Variants in UNC119B observed in about 807,000 individuals in gnomAD.
UNC119B encodes unc-119 lipid binding chaperone B.
In UNC119B, 16 loss-of-function variants were observed where a neutral mutation model predicts 23.4. The observed-to-expected ratio is 0.68, with a 90% CI of 0.46 to 1.04. The LOEUF (loss-of-function observed/expected upper bound fraction) is 1.04, where lower values mean the gene tolerates loss of function less well. Ranked by LOEUF, UNC119B falls within the 50% of genes least tolerant of loss-of-function variation. The pLI is 0.00. For synonymous variants in UNC119B, 144 were observed against 145.4 expected, an observed-to-expected ratio of 0.99 and a Z score of 0.07; for missense variants, 350 against 361.3, an observed-to-expected ratio of 0.97 and a Z score of 0.25.
At chr12:120,711,969 CAG>C (rs1882681152) in intron 1 of UNC119B, among the ~76,000 whole-genome samples, 1 of 152,176 alleles carries the variant, frequency 6.6e-6, no homozygotes, top group Non-Finnish European at 1.5e-5. Context: ...TTTATTGAAA[CAG>C]TGTGAAAAAG....
intron 2 of UNC119B, among the ~76,000 whole-genome samples, chr12:120,715,644 C>T (rs1476396950): frequency 2.0e-5 from 3 of 148,742 alleles, no homozygotes; most frequent in African/African-American, 7.4e-5. Context: ...AGCAATTCTC[C>T]TGCCTCAGCC....
intron 1 of UNC119B, among the ~76,000 whole-genome samples, chr12:120,712,315 G>A (rs772653341): frequency 1.5e-4 from 23 of 152,208 alleles, no homozygotes; most frequent in Non-Finnish European, 2.8e-4. Flanking sequence ...AGAATAATCA[G>A]TAGTTGTCAA....
rs558889570 is a variant in UNC119B at position 120,713,789 on chromosome 12, T to C, written c.358+402T>C. The stretch of plus-strand genomic sequence containing the variant: ...AGGAATCCTTGAAATTAAACTATAA[T>C]GAGGAAAACTCACCTGAGCCTGGTG... On this transcript the variant is annotated intron_variant, in intron 2 of 4. Transcript: ENST00000344651. 2.3e-4 allele frequency among the ~76,000 whole-genome samples: 35 copies of C among 152,318 alleles called. No homozygotes were observed. In the South Asian group the frequency reaches 3.5e-3, roughly 15 times the overall value.
intron 1 of UNC119B, among the ~76,000 whole-genome samples, chr12:120,712,719 T>C (rs992985959): frequency 2.0e-5 from 3 of 152,256 alleles, no homozygotes; most frequent in African/African-American, 7.2e-5. Context: ...ATAGCCACAT[T>C]CATTCATTTG....
chr12:120,713,752 T>C (rs1882716818), intron 2 of UNC119B, among the ~76,000 whole-genome samples: 1 of 152,188 alleles, frequency 6.6e-6, no homozygotes, highest in South Asian at 2.1e-4. Context: ...CCATGTTGCC[T>C]CCAGTTGGGA....
chr12:120,712,733 A>G (rs567783286), intron 1 of UNC119B, among the ~76,000 whole-genome samples: 18 of 152,330 alleles, frequency 1.2e-4, no homozygotes, highest in African/African-American at 4.3e-4. Context: ...TCATTTGCGT[A>G]TTGTCTGTGG....
intron 2 of UNC119B, among the ~76,000 whole-genome samples, chr12:120,716,120 C>T (rs773290963): frequency 2.0e-5 from 3 of 152,194 alleles, no homozygotes; most frequent in Non-Finnish European, 4.4e-5. Flanking sequence ...TAAGTGTCAA[C>T]TTTTGTAGCC....
intron 4 of UNC119B, among the ~76,000 whole-genome samples, chr12:120,717,710 C>T (rs1430926606): frequency 6.6e-6 from 1 of 151,182 alleles, no homozygotes; most frequent in Non-Finnish European, 1.5e-5. Context: ...TTATAGGCAC[C>T]TGCCACCATG....
In UNC119B at chr12:120,720,424, C is replaced by T; in HGVS notation, c.*392C>T. The T allele has an allele frequency of 1.2e-5, 2 of 170,742 alleles. No individual in the cohort carries two copies. 10.6% of individuals were successfully genotyped at this position (170,742 alleles called of 1,614,324 possible). On this transcript the variant is annotated 3_prime_UTR_variant, in exon 5 of 5. Transcript: ENST00000344651. ...CAGCAGGTCAGCAGCTCTTAAGGTT[C>T]CTGGGTGCTGTGGGAAGCTGAAAGG... is the stretch of plus-strand genomic sequence containing the variant.
At chr12:120,715,348 A>G (rs780817488) in intron 2 of UNC119B, among the ~76,000 whole-genome samples, 1 of 152,096 alleles carries the variant, frequency 6.6e-6, no homozygotes, top group African/African-American at 2.4e-5. Flanking sequence ...GTGAACCCCT[A>G]CTCAGCCTGG....
rs1301893571 is a variant in UNC119B at position 120,716,871 on chromosome 12, G to A, written c.472G>A (p.Val158Met). The change falls in exon 4 of 5, where the codon GTG (valine) becomes ATG (methionine). Residue 158 changes from valine to methionine, a missense_variant and splice_region_variant. Val to Met is a conservative substitution (Grantham distance 21, BLOSUM62 1). Transcript: ENST00000344651. ...FLRLRTVGATVEFTVGDKPVS... is the reference protein window; with the variant it reads ...FLRLRTVGATMEFTVGDKPVS... ...GGCTTACAGAGATTTATTTTCCAGG[G>A]TGGAGTTCACAGTGGGAGACAAACC... 6.2e-7 allele frequency: 1 copy of A among 1,609,248 alleles called. No individual in the cohort carries two copies. Among genetic ancestry groups the A allele is most frequent in the Non-Finnish European group, 8.5e-7 (1 of 1,176,310 alleles).
Position 120,722,196 on chromosome 12 carries a change from A to G in UNC119B, c.*2164A>G, listed in dbSNP as rs1480358468. On this transcript the variant is annotated 3_prime_UTR_variant, in exon 5 of 5. Transcript: ENST00000344651. ...GATGTGGAGGAAGGAGGAGGTGGGC[A>G]ATCTGGCTTGAGTTGTGCTGTATCC... The G allele has an allele frequency of 3.9e-5, 6 of 152,336 alleles. No homozygotes were observed. The highest frequency in any genetic ancestry group is 3.3e-4 in the Admixed American group (5 of 15,284). 9.4% of individuals were successfully genotyped at this position (152,336 alleles called of 1,614,324 possible).
In UNC119B at chr12:120,717,062, T is replaced by A; in HGVS notation, c.643+20T>A. ...ATGTCAGTATGTATCCCCTGACCCT[T>A]ACAGCACTCTAGATTCTGAGGGCTA... On this transcript the variant is annotated intron_variant, in intron 4 of 4. Coordinates refer to ENST00000344651, the MANE Select transcript of UNC119B (RefSeq NM_001080533.3). The A allele has an allele frequency of 6.5e-7, 1 of 1,545,918 alleles. No homozygotes were observed. The highest frequency in any genetic ancestry group is 8.7e-7 in the Non-Finnish European group (1 of 1,145,718).
rs1476499027 is a variant in UNC119B, at chr12:120,723,515, C to G, written c.*3483C>G. On this transcript the variant is annotated 3_prime_UTR_variant, in exon 5 of 5. Coordinates refer to ENST00000344651, the MANE Select transcript of UNC119B (RefSeq NM_001080533.3). Reference sequence around the variant, plus strand: ...ACCTGATCTGTCCTTCCTCCTCCTTCCCGCTTCCCCCAAAATCACATTCCA... The same window carrying G: ...ACCTGATCTGTCCTTCCTCCTCCTTGCCGCTTCCCCCAAAATCACATTCCA... The G allele has an allele frequency of 2.0e-5, 3 of 152,342 alleles. No individual in the cohort carries two copies. The highest frequency in any genetic ancestry group is 4.4e-5 in the Non-Finnish European group (3 of 68,048). 9.4% of individuals were successfully genotyped at this position (152,342 alleles called of 1,614,324 possible).
chr12:120,714,220 C>T (rs1842853171), intron 2 of UNC119B, among the ~76,000 whole-genome samples: 1 of 152,210 alleles, frequency 6.6e-6, no homozygotes, highest in South Asian at 2.1e-4. Flanking sequence ...GATTTCACCC[C>T]TACCTGGTGG....
rs573914188 is a variant in UNC119B, at chr12:120,718,521, C to A, written c.644-1399C>A. On this transcript the variant is annotated intron_variant, in intron 4 of 4. Coordinates refer to ENST00000344651, the MANE Select transcript of UNC119B (RefSeq NM_001080533.3). ...GGGCAGGAGTGAGAAGGTGGAAATA[C>A]TGTTTGAGGAAGAGTGGCCTAGACC... 6.9e-4 allele frequency among the ~76,000 whole-genome samples: 105 copies of A among 152,250 alleles called. 1 individual carries two copies. The highest frequency in any genetic ancestry group is 2.5e-3 in the African/African-American group (103 of 41,540).
intron 2 of UNC119B, among the ~76,000 whole-genome samples, chr12:120,713,785 A>G (rs545429638): frequency 1.1e-4 from 16 of 152,322 alleles, no homozygotes; most frequent in African/African-American, 1.9e-4. Flanking sequence ...AAATTAAACT[A>G]TAATGAGGAA....
chr12:120,713,471 T>G, intron 2 of UNC119B, 84 bp downstream of exon 2: 1 of 1,030,206 alleles, frequency 9.7e-7, no homozygotes, highest in South Asian at 1.4e-5. Flanking sequence ...CACTGCATCC[T>G]GTTTCTTGGA....
In UNC119B at chr12:120,721,887, G is replaced by A. The variant is rs1003237251; in HGVS notation, c.*1855G>A. 1 of 152,682 alleles carries A rather than the reference G, an allele frequency of 6.5e-6. No individual in the cohort carries two copies. Among genetic ancestry groups the A allele is most frequent in the African/African-American group, 2.4e-5 (1 of 41,422 alleles). The allele number at this position is 152,682 out of a possible 1,614,324, so 9.5% of individuals were successfully genotyped here. A position where few individuals can be genotyped will look rare whatever the true frequency, so the allele number is the denominator to read the frequency against. On this transcript the variant is annotated 3_prime_UTR_variant, in exon 5 of 5. Transcript: ENST00000344651. ...CTCCTCACTGGCAGAAAGATGCCAG[G>A]GCTGTTAGCACTGTCTCCTCACCTT...
Sources: gnomAD v4.1 joint callset for allele counts (sites outside exome capture counted in the v4.1 genomes callset) on GRCh38, gnomAD v4.1.1 for gene constraint, MANE v1.5 for transcripts, NCBI Gene and HGNC (gene_info 2026-07-23, HGNC 2026-07-21) for gene names.